Variants in PYGB observed in about 807,000 individuals in gnomAD.
PYGB encodes the protein glycogen phosphorylase B.
A neutral mutation model predicts 94.3 loss-of-function variants in PYGB; 82 were observed. The ratio of observed to expected loss-of-function variants is 0.87; its 90% CI spans 0.73 to 1.04. The LOEUF (loss-of-function observed/expected upper bound fraction) is 1.04. Ranked by LOEUF, PYGB falls within the 50% of genes least tolerant of loss-of-function variation. The pLI is 0.00. For synonymous variants in PYGB, 488 were observed against 479.1 expected (o/e 1.02, Z -0.24); for missense variants, 1,132 against 1,158.2 (o/e 0.98, Z 0.33).
chr20:25,267,643 G>A lies in PYGB; in HGVS notation c.346-1486G>A, dbSNP rs558615159. On this transcript the variant is annotated intron_variant, in intron 2 of 19. Coordinates refer to ENST00000216962, the MANE Select transcript of PYGB (RefSeq NM_002862.4). ...CCTCCCGGGCTCAAGCCATCCTTCC[G>A]CCTCAGCCTCCCGAGTAGCTGGGAC... 1.1e-4 allele frequency among the ~76,000 whole-genome samples: 17 copies of A among 152,232 alleles called. No individual in the cohort carries two copies. In the South Asian group the frequency reaches 1.7e-3, roughly 15 times the overall value.
At chr20:25,283,413 G>A in intron 13 of PYGB, 136 bp downstream of exon 13, 1 of 723,440 alleles carries the variant, frequency 1.4e-6, no homozygotes, top group Non-Finnish European at 2.2e-6. Flanking sequence ...CTCAGAACAG[G>A]ACTGAGGGTG....
chr20:25,288,793 G>A (rs2088441016), intron 15 of PYGB, among the ~76,000 whole-genome samples: 1 of 152,166 alleles, frequency 6.6e-6, no homozygotes, highest in African/African-American at 2.4e-5. Flanking sequence ...ACAGGGCGTT[G>A]TGGCTGCTTC....
intron 2 of PYGB, among the ~76,000 whole-genome samples, chr20:25,267,992 T>A (rs191777083): frequency 2.0e-5 from 3 of 152,366 alleles, no homozygotes; most frequent in African/African-American, 4.8e-5. Context: ...AGAGATTTTT[T>A]AAAAATTTAA....
At position 25,288,289 on chromosome 20, in the gene PYGB, C is replaced by CGT. The variant is rs372079335; in HGVS notation, c.1769-133_1769-132dup. 4.0e-6 allele frequency: 4 copies of CGT among 1,007,986 alleles called. No individual in the cohort carries two copies. The African/African-American group carries it at 6.3e-5, about 16-fold the overall frequency. The allele number at this position is 1,007,986 out of a possible 1,614,324, so 62.4% of individuals were successfully genotyped here. ...CCAGTGGCCCTGTGCCACTGTCACC[C>CGT]GTGTCTCTGGGGCTTGAAGTACATG... On this transcript the variant is annotated intron_variant, in intron 14 of 19. Transcript: ENST00000216962.
chr20:25,264,392 C>T (rs1178491006), intron 2 of PYGB, among the ~76,000 whole-genome samples: 1 of 152,186 alleles, frequency 6.6e-6, no homozygotes, highest in African/African-American at 2.4e-5. Context: ...TCTCACTACT[C>T]CTATTCAACA....
At chr20:25,292,292 G>T in intron 16 of PYGB, 114 bp from the exon 17 acceptor site, 1 of 1,244,516 alleles carries the variant, frequency 8.0e-7, no homozygotes, top group Non-Finnish European at 1.1e-6. Context: ...CCACAGCATT[G>T]GTCCCTCCAC....
At chr20:25,289,881 C>T (rs762971446) in intron 15 of PYGB, 2 of 533,550 alleles carry the variant, frequency 3.7e-6, no homozygotes, top group South Asian at 2.8e-5. Context: ...CCATCCGTCA[C>T]ACCTAAAGCA....
At chr20:25,264,954 A>G (rs930301530) in intron 2 of PYGB, among the ~76,000 whole-genome samples, 2 of 152,260 alleles carry the variant, frequency 1.3e-5, no homozygotes, top group Non-Finnish European at 2.9e-5. Flanking sequence ...ACCAAAAAAG[A>G]GCCCGCATCG....
intron 4 of PYGB, among the ~76,000 whole-genome samples, chr20:25,271,879 G>A (rs2088271441): frequency 1.3e-5 from 2 of 152,246 alleles, no homozygotes; most frequent in African/African-American, 4.8e-5. Flanking sequence ...TCAGTGGGAT[G>A]TTGGCCCTAA....
chr20:25,280,208 T>A, intron 9 of PYGB, 58 bp from the exon 10 acceptor site: 2 of 1,586,038 alleles, frequency 1.3e-6, no homozygotes, highest in Non-Finnish European at 8.6e-7. Context: ...CCTAGGCAAC[T>A]GGCCAGAGAG....
At chr20:25,276,522 A>AT (rs1568691195) in intron 5 of PYGB, 124 bp from the exon 6 acceptor site, 7 of 724,322 alleles carry the variant, frequency 9.7e-6, no homozygotes, top group African/African-American at 7.3e-5. Context: ...GTTTGGGCAG[A>AT]AGGGGGAGAC....
chr20:25,297,812 C>T lies in PYGB; in HGVS notation c.*1290C>T, dbSNP rs199583513. ...GCACGGTGCACAGCCCACCAGAGCACTACAGCCTTTTATTGAGTGGGGCAA... is the reference window on the plus strand; with the variant it reads ...GCACGGTGCACAGCCCACCAGAGCATTACAGCCTTTTATTGAGTGGGGCAA... On this transcript the variant is annotated 3_prime_UTR_variant, in exon 20 of 20. Transcript: ENST00000216962. 2.1e-5 allele frequency: 3 copies of T among 145,598 alleles called. No individual in the cohort carries two copies. The highest frequency in any genetic ancestry group is 3.0e-5 in the Non-Finnish European group (2 of 65,600). 9.0% of individuals were successfully genotyped at this position (145,598 alleles called of 1,614,324 possible). A position where few individuals can be genotyped will look rare whatever the true frequency, so the allele number is the denominator to read the frequency against.
chr20:25,272,916 G>GCA (rs2088279788), intron 4 of PYGB, among the ~76,000 whole-genome samples: 1 of 152,220 alleles, frequency 6.6e-6, no homozygotes, highest in Non-Finnish European at 1.5e-5. Context: ...GGTATTGGTG[G>GCA]TGGTTTTTGT....
intron 16 of PYGB, 89 bp downstream of exon 16, chr20:25,290,711 G>A: frequency 6.5e-7 from 1 of 1,529,864 alleles, no homozygotes; most frequent in Non-Finnish European, 9.0e-7. Flanking sequence ...TCCTCAGCCA[G>A]TTCAGCTCTG....
chr20:25,256,486 ACT>A (rs1362159884), intron 1 of PYGB, among the ~76,000 whole-genome samples: 3 of 149,344 alleles, frequency 2.0e-5, no homozygotes, highest in Non-Finnish European at 4.4e-5. Flanking sequence ...ACAGAGCGAA[ACT>A]CTGTCTCAAA....
At chr20:25,285,958 C>T (rs532057106) in intron 14 of PYGB, among the ~76,000 whole-genome samples, 1 of 152,220 alleles carries the variant, frequency 6.6e-6, no homozygotes, top group African/African-American at 2.4e-5. Flanking sequence ...GACCCTTCAC[C>T]ATGAAGGTCG....
intron 2 of PYGB, among the ~76,000 whole-genome samples, chr20:25,263,688 G>T (rs1159840757): frequency 2.0e-5 from 3 of 152,170 alleles, no homozygotes; most frequent in African/African-American, 7.2e-5. Flanking sequence ...TAGAGGAAAT[G>T]GATAAATTCC....
intron 11 of PYGB, among the ~76,000 whole-genome samples, chr20:25,281,453 A>T (rs1359265305): frequency 3.3e-5 from 5 of 152,230 alleles, no homozygotes; most frequent in Non-Finnish European, 7.3e-5. Flanking sequence ...GGGCTTGGAC[A>T]GGGCTTGAAG....
intron 1 of PYGB, among the ~76,000 whole-genome samples, chr20:25,250,444 C>T (rs1290640943): frequency 6.6e-6 from 1 of 152,192 alleles, no homozygotes; most frequent in Non-Finnish European, 1.5e-5. Flanking sequence ...TCTTAAACCG[C>T]ACAGTCTGTA....
Sources: gnomAD v4.1 joint callset for allele counts (sites outside exome capture counted in the v4.1 genomes callset) on GRCh38, gnomAD v4.1.1 for gene constraint, MANE v1.5 for transcripts, NCBI Gene and HGNC (gene_info 2026-07-23, HGNC 2026-07-21) for gene names.